FRRS1L: variants seen among roughly 807,000 people sequenced by gnomAD.
FRRS1L encodes ferric chelate reductase 1 like.
A neutral mutation model predicts 28.6 loss-of-function variants in FRRS1L; 22 were observed. The observed-to-expected ratio is 0.77, with a 90% CI of 0.55 to 1.10. FRRS1L has a LOEUF of 1.10. Ranked by LOEUF, FRRS1L falls within the 50% of genes least tolerant of loss-of-function variation. FRRS1L has a pLI of 0.00. For missense variants in FRRS1L, 380 were observed against 386.9 expected, an observed-to-expected ratio of 0.98 and a Z score of 0.15; for synonymous variants, 158 against 151.4, an observed-to-expected ratio of 1.04 and a Z score of -0.32.
chr9:109,144,452 C>T (rs866696014), intron 3 of FRRS1L, among the ~76,000 whole-genome samples: 1 of 152,252 alleles, frequency 6.6e-6, no homozygotes, highest in Middle Eastern at 3.4e-3. Context: ...CTCACTGCAA[C>T]CTCTGCCTCC....
chr9:109,137,710 A>T (rs1831133289), intron 4 of FRRS1L, 83 bp from the exon 5 acceptor site: 1 of 865,608 alleles, frequency 1.2e-6, no homozygotes, highest in Admixed American at 2.7e-5. Context: ...GAAAAATCAA[A>T]AGTCTATTTA....
rs1831106977 is a variant in FRRS1L at position 109,136,059 on chromosome 9, A to C, written c.*1396T>G. 1 of 151,792 alleles carries C rather than the reference A, an allele frequency of 6.6e-6. No homozygotes were observed. Among genetic ancestry groups the C allele is most frequent in the South Asian group, 2.1e-4 (1 of 4,798 alleles). 9.4% of individuals were successfully genotyped at this position (151,792 alleles called of 1,614,324 possible). ...AGCCTGACTAAAATGGTGAAACTCC[A>C]TCTCTACTAAAAATACAAAAAAATT... is the stretch of plus-strand genomic sequence containing the variant. On this transcript the variant is annotated 3_prime_UTR_variant, in exon 5 of 5. Coordinates refer to ENST00000561981, the MANE Select transcript of FRRS1L (RefSeq NM_014334.4).
At chr9:109,152,804 A>C (rs1237607874) in intron 1 of FRRS1L, among the ~76,000 whole-genome samples, 3 of 32,564 alleles carry the variant, frequency 9.2e-5, no homozygotes, top group African/African-American at 3.7e-4. Flanking sequence ...ACTCCATCTC[A>C]AAAAAAAAAA....
chr9:109,165,219 T>A (rs1359659941), intron 1 of FRRS1L, among the ~76,000 whole-genome samples: 2 of 152,380 alleles, frequency 1.3e-5, no homozygotes, highest in Middle Eastern at 3.4e-3. Flanking sequence ...GCTAGAAGAC[T>A]ACATTTCTTA....
intron 2 of FRRS1L, chr9:109,147,562 GA>G: frequency 6.1e-6 from 1 of 162,864 alleles, no homozygotes; most frequent in Non-Finnish European, 1.3e-5. Context: ...CCTTTTAATG[GA>G]AAAAGATTCT....
At chr9:109,160,239 A>T (rs904109891) in intron 1 of FRRS1L, among the ~76,000 whole-genome samples, 4 of 152,150 alleles carry the variant, frequency 2.6e-5, no homozygotes, top group African/African-American at 4.8e-5. Flanking sequence ...TTCCACAAGC[A>T]AATCAATTCC....
Position 109,134,962 on chromosome 9 carries a change from G to A in FRRS1L, c.*2493C>T, listed in dbSNP as rs770332517. 1 of 152,094 alleles carries A rather than the reference G, an allele frequency of 6.6e-6. No homozygotes were observed. Among genetic ancestry groups the A allele is most frequent in the African/African-American group, 2.4e-5 (1 of 41,396 alleles). 9.4% of individuals were successfully genotyped at this position (152,094 alleles called of 1,614,324 possible). Reference sequence around the variant, plus strand: ...AGTGGAGTCAAGGACTTGAACCAGGGGACTTGAGTTTGAATCCTACCCAGT... The same window carrying A: ...AGTGGAGTCAAGGACTTGAACCAGGAGACTTGAGTTTGAATCCTACCCAGT... On this transcript the variant is annotated 3_prime_UTR_variant, in exon 5 of 5. Coordinates refer to ENST00000561981, the MANE Select transcript of FRRS1L (RefSeq NM_014334.4).
In FRRS1L at chr9:109,132,675, G is replaced by A. The variant is rs1261128872; in HGVS notation, c.*4780C>T. ...AAGCCACAGTCCATAAGCAAACCCCGCCTGCTTCCTGTTTTTGTGCAGCCT... is the reference window on the plus strand; with the variant it reads ...AAGCCACAGTCCATAAGCAAACCCCACCTGCTTCCTGTTTTTGTGCAGCCT... On this transcript the variant is annotated 3_prime_UTR_variant, in exon 5 of 5. Transcript: ENST00000561981. The A allele has an allele frequency of 1.3e-5, 2 of 152,042 alleles. No homozygotes were observed. The highest frequency in any genetic ancestry group is 2.4e-5 in the African/African-American group (1 of 41,466). The allele number at this position is 152,042 out of a possible 1,614,324, so 9.4% of individuals were successfully genotyped here. A position where few individuals can be genotyped will look rare whatever the true frequency, so the allele number is the denominator to read the frequency against.
chr9:109,153,597 AG>A (rs1169877485), intron 1 of FRRS1L, among the ~76,000 whole-genome samples: 1 of 152,188 alleles, frequency 6.6e-6, no homozygotes, highest in Non-Finnish European at 1.5e-5. Flanking sequence ...GAAACATTCT[AG>A]CAAATAATAG....
At position 109,159,619 on chromosome 9, in the gene FRRS1L, T is replaced by C. The variant is rs533919491; in HGVS notation, c.238+7282A>G. On this transcript the variant is annotated intron_variant, in intron 1 of 4. Coordinates refer to ENST00000561981, the MANE Select transcript of FRRS1L (RefSeq NM_014334.4). ...AGTGTAGTGAGCCAAGATCGCGCCATTGCATTCCAGCCTGGGTGACAGAGC... is the reference window on the plus strand; with the variant it reads ...AGTGTAGTGAGCCAAGATCGCGCCACTGCATTCCAGCCTGGGTGACAGAGC... Among the ~76,000 whole-genome samples the C allele has an allele frequency of 7.3e-4, 111 of 152,288 alleles. 1 individual carries two copies. Among genetic ancestry groups the C allele is most frequent in the African/African-American group, 2.5e-3 (103 of 41,550 alleles).
rs878853281 is a variant in FRRS1L, at chr9:109,141,360, C to T, written c.692G>A (p.Trp231Ter). The change falls in exon 4 of 5, where the codon TGG becomes TAG. Residue 231 changes from tryptophan to a stop codon, truncating the protein, a stop_gained. Transcript: ENST00000561981. LOFTEE classifies it high-confidence loss of function. ...AAGCTTACCCTGAATGGCTGGACCC[C>T]AAGCAAACAGATAATACCAACTCAA... is the stretch of plus-strand genomic sequence containing the variant. ...LHLSWYYLFA[W>*]GPAIQGSITR... The T allele has an allele frequency of 6.2e-7, 1 of 1,614,130 alleles. No individual in the cohort carries two copies. The highest frequency in any genetic ancestry group is 8.5e-7 in the Non-Finnish European group (1 of 1,180,010).
chr9:109,153,330 T>C (rs1831360075), intron 1 of FRRS1L, among the ~76,000 whole-genome samples: 1 of 152,096 alleles, frequency 6.6e-6, no homozygotes, highest in Admixed American at 6.5e-5. Context: ...GGCCAAATGA[T>C]TAAATCAATC....
chr9:109,152,682 T>C (rs1410018370), intron 1 of FRRS1L, among the ~76,000 whole-genome samples: 1 of 150,504 alleles, frequency 6.6e-6, no homozygotes, highest in East Asian at 2.0e-4. Flanking sequence ...TGGGCACCTG[T>C]AGTCCCAGCT....
intron 2 of FRRS1L, 78 bp from the exon 3 acceptor site, chr9:109,147,267 G>GATACA: frequency 5.0e-6 from 6 of 1,192,672 alleles, no homozygotes; most frequent in African/African-American, 1.5e-5. Context: ...CATGTATCAT[G>GATACA]TGGGATGCTA....
At chr9:109,147,230 C>T in intron 2 of FRRS1L, 41 bp from the exon 3 acceptor site, 9 of 1,538,120 alleles carry the variant, frequency 5.9e-6, no homozygotes, top group Non-Finnish European at 8.1e-6. Context: ...CTTCTACTTA[C>T]ACAAAAGACA....
rs530321109 is a variant in FRRS1L at position 109,159,604 on chromosome 9, G to A, written c.238+7297C>T. ...CGCTTGAACCTGGGAAGTGTAGTGAGCCAAGATCGCGCCATTGCATTCCAG... is the reference window on the plus strand; with the variant it reads ...CGCTTGAACCTGGGAAGTGTAGTGAACCAAGATCGCGCCATTGCATTCCAG... On this transcript the variant is annotated intron_variant, in intron 1 of 4. Coordinates refer to ENST00000561981, the MANE Select transcript of FRRS1L (RefSeq NM_014334.4). Among the ~76,000 whole-genome samples, 8 of 152,326 alleles carry A rather than the reference G, an allele frequency of 5.3e-5. No homozygotes were observed. In the East Asian group the frequency reaches 1.5e-3, roughly 29 times the overall value.
chr9:109,141,679 A>G (rs1318934364), intron 3 of FRRS1L, 90 bp from the exon 4 acceptor site: 1 of 1,389,596 alleles, frequency 7.2e-7, no homozygotes, highest in Non-Finnish European at 9.8e-7. Flanking sequence ...TCATCTCTGC[A>G]ATTTGAAATC....
chr9:109,152,036 T>C (rs1400461543), intron 1 of FRRS1L: 1 of 152,272 alleles, frequency 6.6e-6, no homozygotes, highest in Non-Finnish European at 1.5e-5. Context: ...GTTCCCCATC[T>C]TCTTCCATTT....
At chr9:109,143,685 T>C (rs1831218699) in intron 3 of FRRS1L, among the ~76,000 whole-genome samples, 1 of 151,806 alleles carries the variant, frequency 6.6e-6, no homozygotes, top group Non-Finnish European at 1.5e-5. Flanking sequence ...CAGCTAATTT[T>C]TGTATTTTTA....
Sources: allele counts gnomAD v4.1 joint callset (sites outside exome capture counted in the v4.1 genomes callset), GRCh38; gene constraint gnomAD v4.1.1; transcripts MANE v1.5; gene names NCBI Gene and HGNC (gene_info 2026-07-23, HGNC 2026-07-21).